FHIT: variants seen among roughly 807,000 people sequenced by gnomAD.
FHIT encodes fragile histidine triad diadenosine triphosphatase, also known as bis(5'-adenosyl)-triphosphatase.
FHIT carries 19 observed loss-of-function variants against 17.9 expected under a neutral mutation model. The observed-to-expected ratio is 1.06, with a 90% CI of 0.74 to 1.56. The LOEUF is 1.56. FHIT is among the 40% of genes most tolerant of loss of function. The probability of loss-of-function intolerance (pLI) is 0.00; values close to 1 mark genes in which losing one functional copy is unlikely to be tolerated. For missense variants in FHIT, 248 were observed against 189.2 expected (o/e 1.31, Z -1.82); for synonymous variants, 81 against 69.7 (o/e 1.16, Z -0.81).
At chr3:60,735,523 T>TA (rs1484336779) in intron 4 of FHIT, among the ~76,000 whole-genome samples, 2 of 152,050 alleles carry the variant, frequency 1.3e-5, no homozygotes, top group South Asian at 2.1e-4. Context: ...GGGAAGAATT[T>TA]AAAAAAAATC....
intron 4 of FHIT, among the ~76,000 whole-genome samples, chr3:60,786,513 C>T (rs782360732): frequency 6.6e-5 from 10 of 152,174 alleles, no homozygotes; most frequent in Non-Finnish European, 1.2e-4. Context: ...TTCACCCTAC[C>T]TGAGTCTGTT....
intron 5 of FHIT, among the ~76,000 whole-genome samples, chr3:60,173,614 G>C (rs574195730): frequency 6.6e-6 from 1 of 151,948 alleles, no homozygotes; most frequent in Admixed American, 6.6e-5. Flanking sequence ...GTGGGAAGGT[G>C]AGGCCTAGGC....
chr3:60,680,719 A>G lies in FHIT; in HGVS notation c.-18+141200T>C, dbSNP rs1253985710. 2.6e-5 allele frequency among the ~76,000 whole-genome samples: 4 copies of G among 152,304 alleles called. No individual in the cohort carries two copies. In the East Asian group the frequency reaches 5.8e-4, roughly 22 times the overall value. On this transcript the variant is annotated intron_variant, in intron 4 of 9. Transcript: ENST00000492590. The stretch of plus-strand genomic sequence containing the variant: ...ATAATATATAGATATTTTGGAAAGC[A>G]AGCTGAGTGACAACACACGAAACAC...
At chr3:59,982,914 G>T (rs1708717206) in intron 7 of FHIT, among the ~76,000 whole-genome samples, 1 of 152,030 alleles carries the variant, frequency 6.6e-6, no homozygotes, top group Non-Finnish European at 1.5e-5. Flanking sequence ...GCAAGGAAAA[G>T]ATGAAGTCCT....
chr3:60,707,195 C>A (rs1577093297), intron 4 of FHIT, among the ~76,000 whole-genome samples: 1 of 152,324 alleles, frequency 6.6e-6, no homozygotes, highest in East Asian at 1.9e-4. Flanking sequence ...CACAGGCACT[C>A]TGCAAACCTT....
intron 4 of FHIT, among the ~76,000 whole-genome samples, chr3:60,644,258 C>T (rs1426630933): frequency 1.3e-5 from 2 of 152,106 alleles, no homozygotes; most frequent in Non-Finnish European, 2.9e-5. Context: ...TCCTGTTTTT[C>T]TTCATAGGTG....
chr3:60,526,256 G>T (rs2035571919), intron 5 of FHIT, among the ~76,000 whole-genome samples: 1 of 152,118 alleles, frequency 6.6e-6, no homozygotes, highest in Admixed American at 6.6e-5. Flanking sequence ...TGAATTAACA[G>T]ACATGTTTTT....
At chr3:60,492,409 G>T (rs747854266) in intron 5 of FHIT, among the ~76,000 whole-genome samples, 1 of 152,076 alleles carries the variant, frequency 6.6e-6, no homozygotes, top group South Asian at 2.1e-4. Context: ...ATAGGAAAAA[G>T]GTTAAGAAAT....
intron 4 of FHIT, among the ~76,000 whole-genome samples, chr3:60,717,076 T>C (rs1368183404): frequency 6.6e-6 from 1 of 152,164 alleles, no homozygotes; most frequent in South Asian, 2.1e-4. Flanking sequence ...CTCACTTATA[T>C]GTAGAATCTA....
chr3:60,237,261 C>CTTTTTT (rs1491397783), intron 5 of FHIT, among the ~76,000 whole-genome samples: 3 of 123,576 alleles, frequency 2.4e-5, no homozygotes, highest in Admixed American at 7.7e-5. Context: ...TTTGTTTTTC[C>CTTTTTT]ATTTTTTTTT....
At chr3:60,749,251 A>G (rs1553716201) in intron 4 of FHIT, among the ~76,000 whole-genome samples, 1 of 152,176 alleles carries the variant, frequency 6.6e-6, no homozygotes, top group African/African-American at 2.4e-5. Flanking sequence ...AATTTATGAA[A>G]GCCTCATTTC....
intron 5 of FHIT, among the ~76,000 whole-genome samples, chr3:60,428,260 G>A (rs1373503327): frequency 2.0e-5 from 3 of 152,048 alleles, no homozygotes; most frequent in African/African-American, 4.8e-5. Flanking sequence ...TCAATTATTG[G>A]AGAAGGTAAC....
rs555928212 is a variant in FHIT at position 61,151,824 on chromosome 3, C to G, written c.-164+48793G>C. 4.0e-4 allele frequency among the ~76,000 whole-genome samples: 61 copies of G among 152,116 alleles called. No individual in the cohort carries two copies. The East Asian group carries it at 0.011, about 28-fold the overall frequency. Reference sequence around the variant, plus strand: ...CTCAACTGTGAGGAGAAAATAAAACCCGCCCACCTAGGCCTCCCAAAGTAC... The same window carrying G: ...CTCAACTGTGAGGAGAAAATAAAACGCGCCCACCTAGGCCTCCCAAAGTAC... On this transcript the variant is annotated intron_variant, in intron 2 of 9. Coordinates refer to ENST00000492590, the MANE Select transcript of FHIT (RefSeq NM_002012.4).
At chr3:60,313,842 C>T (rs1709053655) in intron 5 of FHIT, among the ~76,000 whole-genome samples, 1 of 152,080 alleles carries the variant, frequency 6.6e-6, no homozygotes, top group African/African-American at 2.4e-5. Flanking sequence ...AGAGATGGCC[C>T]CAGAAAAGTC....
intron 7 of FHIT, among the ~76,000 whole-genome samples, chr3:59,987,033 T>G (rs1325553393): frequency 9.3e-6 from 1 of 107,788 alleles, no homozygotes. Flanking sequence ...AAATATAAAA[T>G]ATATAAAATA....
chr3:61,210,979 T>C (rs1576227787), intron 1 of FHIT, among the ~76,000 whole-genome samples: 1 of 152,062 alleles, frequency 6.6e-6, no homozygotes, highest in East Asian at 2.0e-4. Context: ...ATATAACAAA[T>C]TATCCAAAAA....
chr3:61,113,395 A>G (rs1266232381), intron 2 of FHIT, among the ~76,000 whole-genome samples: 1 of 152,218 alleles, frequency 6.6e-6, no homozygotes. Flanking sequence ...GTTATATTAT[A>G]CAATATAAAA....
rs2031228821 is a variant in FHIT at position 61,003,378 on chromosome 3, A to G, written c.-111+38669T>C. Among the ~76,000 whole-genome samples the G allele has an allele frequency of 4.6e-5, 7 of 152,226 alleles. No individual in the cohort carries two copies. In the South Asian group the frequency reaches 1.4e-3, roughly 31 times the overall value. On this transcript the variant is annotated intron_variant, in intron 3 of 9. Coordinates refer to ENST00000492590, the MANE Select transcript of FHIT (RefSeq NM_002012.4). Reference sequence around the variant, plus strand: ...CTTATTCTTTTACAAATTAGACTTTAAAACACAGCCACTGAATTGACCAAG... The same window carrying G: ...CTTATTCTTTTACAAATTAGACTTTGAAACACAGCCACTGAATTGACCAAG...
chr3:61,077,106 C>A (rs775655542), intron 2 of FHIT, among the ~76,000 whole-genome samples: 2 of 152,082 alleles, frequency 1.3e-5, no homozygotes, highest in Non-Finnish European at 2.9e-5. Flanking sequence ...GAAACACAAT[C>A]TTGAACCAAC....
Sources: allele counts gnomAD v4.1 joint callset (sites outside exome capture counted in the v4.1 genomes callset), GRCh38; gene constraint gnomAD v4.1.1; transcripts MANE v1.5; gene names NCBI Gene and HGNC (gene_info 2026-07-23, HGNC 2026-07-21).